ADGRB3: variants seen among roughly 807,000 people sequenced by gnomAD.
ADGRB3 encodes the protein adhesion G protein-coupled receptor B3.
In ADGRB3, 37 loss-of-function variants were observed where a neutral mutation model predicts 193.4. The observed-to-expected ratio is 0.19, with a 90% CI of 0.15 to 0.25. The LOEUF (loss-of-function observed/expected upper bound fraction) is 0.25, where lower values mean the gene tolerates loss of function less well. Among genes scored for constraint, ADGRB3 ranks in the 10% least tolerant of loss-of-function variants. The pLI is 1.00. For missense variants in ADGRB3, 1,637 were observed against 1,852.9 expected (o/e 0.88, Z 2.14); for synonymous variants, 690 against 644.2 (o/e 1.07, Z -1.08).
At chr6:69,237,778 A>C (rs1766300231) in intron 19 of ADGRB3, among the ~76,000 whole-genome samples, 1 of 152,042 alleles carries the variant, frequency 6.6e-6, no homozygotes. Context: ...GAAGCCCCTT[A>C]ACTTTTTATA....
intron 17 of ADGRB3, among the ~76,000 whole-genome samples, chr6:69,176,076 C>T (rs1775411832): frequency 1.3e-5 from 2 of 152,244 alleles, no homozygotes; most frequent in Admixed American, 1.3e-4. Flanking sequence ...AAAATTATAT[C>T]ATCAACAAAG....
chr6:69,136,711 C>T (rs1015400267), intron 17 of ADGRB3, among the ~76,000 whole-genome samples: 7 of 151,284 alleles, frequency 4.6e-5, no homozygotes, highest in African/African-American at 1.5e-4. Flanking sequence ...ATTTTAGTTC[C>T]TTTGCTTTGA....
chr6:69,283,873 T>C (rs576931832), intron 20 of ADGRB3, among the ~76,000 whole-genome samples: 16 of 152,246 alleles, frequency 1.1e-4, no homozygotes, highest in Middle Eastern at 6.8e-3. Flanking sequence ...TAGGCAGCGG[T>C]GTCAATTGAA....
intron 20 of ADGRB3, among the ~76,000 whole-genome samples, chr6:69,274,949 AT>A (rs1767270064): frequency 6.6e-6 from 1 of 151,968 alleles, no homozygotes; most frequent in African/African-American, 2.4e-5. Context: ...CCTGTTTAGG[AT>A]TTTTCATTTG....
chr6:68,676,400 A>C (rs937444689), intron 3 of ADGRB3, among the ~76,000 whole-genome samples: 1 of 151,658 alleles, frequency 6.6e-6, no homozygotes, highest in African/African-American at 2.4e-5. Flanking sequence ...AAAAAAAAAA[A>C]AAAAAAAAAA....
intron 8 of ADGRB3, among the ~76,000 whole-genome samples, chr6:68,962,423 G>T (rs567417019): frequency 6.6e-6 from 1 of 152,244 alleles, no homozygotes; most frequent in Admixed American, 6.5e-5. Flanking sequence ...CAAACCTGTT[G>T]CTATGGAGAT....
At chr6:68,880,660 G>T (rs1276315669) in intron 3 of ADGRB3, among the ~76,000 whole-genome samples, 2 of 152,154 alleles carry the variant, frequency 1.3e-5, no homozygotes, top group African/African-American at 4.8e-5. Context: ...TTTATGGAAG[G>T]TGCCAGAGGG....
At chr6:69,382,447 G>T (rs922887783) in intron 30 of ADGRB3, among the ~76,000 whole-genome samples, 1 of 151,904 alleles carries the variant, frequency 6.6e-6, no homozygotes, top group Non-Finnish European at 1.5e-5. Flanking sequence ...TATTTCCCAT[G>T]ACAAACATCA....
Position 69,109,677 on chromosome 6 carries a change from T to G in ADGRB3, c.2480+33639T>G, listed in dbSNP as rs1773313293. Among the ~76,000 whole-genome samples the G allele has an allele frequency of 2.7e-5, 4 of 147,816 alleles. No homozygotes were observed. In the South Asian group the frequency reaches 8.5e-4, roughly 32 times the overall value. On this transcript the variant is annotated intron_variant, in intron 17 of 31. Coordinates refer to ENST00000370598, the MANE Select transcript of ADGRB3 (RefSeq NM_001704.3). The stretch of plus-strand genomic sequence containing the variant: ...TCCAAGATTGTCTGATGGCAGAGCC[T>G]CTATTCTAACCCTCTATACTAGAGA...
chr6:69,040,701 A>AAAAAAAAAC (rs1562133522), intron 13 of ADGRB3, among the ~76,000 whole-genome samples: 1 of 145,174 alleles, frequency 6.9e-6, no homozygotes, highest in Non-Finnish European at 1.5e-5. Context: ...AAAAAAAAAA[A>AAAAAAAAAC]AAAAAAAACA....
chr6:68,787,692 T>TAA (rs1767004998), intron 3 of ADGRB3, among the ~76,000 whole-genome samples: 1 of 152,206 alleles, frequency 6.6e-6, no homozygotes, highest in African/African-American at 2.4e-5. Flanking sequence ...GAGGATTCCC[T>TAA]CTTTTTCTAT....
intron 20 of ADGRB3, among the ~76,000 whole-genome samples, chr6:69,304,486 A>G (rs1768022561): frequency 6.6e-6 from 1 of 151,664 alleles, no homozygotes; most frequent in African/African-American, 2.4e-5. Context: ...ATTAAAATGT[A>G]ACTACATAGC....
intron 13 of ADGRB3, among the ~76,000 whole-genome samples, chr6:69,030,012 A>G (rs1263413322): frequency 2.0e-5 from 3 of 151,904 alleles, no homozygotes; most frequent in Non-Finnish European, 4.4e-5. Context: ...ACATATATAT[A>G]TAGCTCATCA....
intron 3 of ADGRB3, among the ~76,000 whole-genome samples, chr6:68,908,654 T>A (rs1015192751): frequency 2.0e-5 from 3 of 152,144 alleles, no homozygotes; most frequent in African/African-American, 7.2e-5. Context: ...GAAGTTAAAC[T>A]CTCAAAGTGA....
At chr6:69,298,755 A>T (rs141683360) in intron 20 of ADGRB3, among the ~76,000 whole-genome samples, 2,845 of 152,040 alleles carry the variant, frequency 0.019, 91 homozygotes, top group African/African-American at 0.065. Flanking sequence ...ATTTTGTATT[A>T]ATATGACTTT....
intron 3 of ADGRB3, among the ~76,000 whole-genome samples, chr6:68,649,501 C>G (rs1274928507): frequency 1.3e-5 from 2 of 152,048 alleles, no homozygotes; most frequent in African/African-American, 4.8e-5. Context: ...TTAAAGCTTT[C>G]ATTCATTAGA....
chr6:69,106,683 A>G (rs1251183555), intron 17 of ADGRB3, among the ~76,000 whole-genome samples: 2 of 152,220 alleles, frequency 1.3e-5, no homozygotes, highest in Non-Finnish European at 2.9e-5. Flanking sequence ...CACTTTCCCC[A>G]AGGGACTTGT....
At chr6:68,869,024 C>A (rs2150218716) in intron 3 of ADGRB3, among the ~76,000 whole-genome samples, 1 of 151,398 alleles carries the variant, frequency 6.6e-6, no homozygotes, top group Non-Finnish European at 1.5e-5. Context: ...TCCCTCAAAG[C>A]AAAATGAATA....
At chr6:69,338,769 C>T in intron 24 of ADGRB3, 147 bp from the exon 25 acceptor site, 1 of 675,828 alleles carries the variant, frequency 1.5e-6, no homozygotes. Context: ...AGTATAAATG[C>T]ATCTTTACAA....
Sources: gnomAD v4.1 joint callset for allele counts (sites outside exome capture counted in the v4.1 genomes callset) on GRCh38, gnomAD v4.1.1 for gene constraint, MANE v1.5 for transcripts, NCBI Gene and HGNC (gene_info 2026-07-23, HGNC 2026-07-21) for gene names.